The following FBXO34 variants were observed in gnomAD, a reference collection of about 807,000 sequenced individuals.
FBXO34 encodes F-box protein 34.
In FBXO34, 12 loss-of-function variants were observed where a neutral mutation model predicts 24.5. The ratio of observed to expected loss-of-function variants is 0.49; its 90% CI spans 0.31 to 0.79. The LOEUF (loss-of-function observed/expected upper bound fraction) is 0.79, where lower values mean the gene tolerates loss of function less well. FBXO34 is among the 30% of genes least tolerant of loss of function. The pLI, the probability that FBXO34 is intolerant of heterozygous loss-of-function variation, is 0.04. For missense variants in FBXO34, 823 were observed against 857.7 expected (o/e 0.96, Z 0.51); for synonymous variants, 320 against 311.9 (o/e 1.03, Z -0.27).
the FBXO34 span, among the ~76,000 whole-genome samples, chr14:55,383,374 A>C: frequency 6.6e-6 from 1 of 152,102 alleles, no homozygotes; most frequent in Non-Finnish European, 1.5e-5. Context: ...AACATGGTGA[A>C]ATGCCATCGC....
rs17128414 is a variant in FBXO34, at chr14:55,340,744, C to G, written c.-10-9637C>G. Among the ~76,000 whole-genome samples the G allele has an allele frequency of 9.3e-3, 1,422 of 152,240 alleles. 31 individuals are homozygous for G. Among genetic ancestry groups the G allele is most frequent in the African/African-American group, 0.033 (1,371 of 41,534 alleles). On this transcript the variant is annotated intron_variant, in intron 1 of 1. Transcript: ENST00000313833. ...TGTGCGGTGTCAGGTTGCATTTATACTCTAGAATTAGTAGCTGTACTCTTA... is the reference window on the plus strand; with the variant it reads ...TGTGCGGTGTCAGGTTGCATTTATAGTCTAGAATTAGTAGCTGTACTCTTA...
At chr14:55,299,056 C>T (rs999095392) in intron 1 of FBXO34, 8 of 1,582,250 alleles carry the variant, frequency 5.1e-6, no homozygotes, top group South Asian at 3.3e-5. Flanking sequence ...ACAGCAATTT[C>T]GAAACCTGTA....
the FBXO34 span, among the ~76,000 whole-genome samples, chr14:55,393,255 G>A: frequency 1.3e-5 from 2 of 151,996 alleles, no homozygotes; most frequent in East Asian, 3.9e-4. Flanking sequence ...CGTGGTGGTG[G>A]GCGCCTGTAG....
chr14:55,323,180 G>C (rs1423462509), intron 1 of FBXO34, among the ~76,000 whole-genome samples: 19 of 25,624 alleles, frequency 7.4e-4, no homozygotes, highest in African/African-American at 3.9e-3. Flanking sequence ...GTGAGACTCT[G>C]TCTCAAAAAA....
downstream of FBXO34, among the ~76,000 whole-genome samples, chr14:55,354,344 TTTG>T (rs1445914986): frequency 6.6e-6 from 1 of 152,166 alleles, no homozygotes; most frequent in Non-Finnish European, 1.5e-5. Flanking sequence ...TCTTAATTGG[TTTG>T]TTATGATTCA....
At chr14:55,336,291 A>T (rs138287355) in intron 1 of FBXO34, among the ~76,000 whole-genome samples, 2 of 152,244 alleles carry the variant, frequency 1.3e-5, no homozygotes, top group African/African-American at 4.8e-5. Flanking sequence ...AGTTTTCAGT[A>T]ATGGGTGTAG....
intron 1 of FBXO34, chr14:55,325,788 T>C (rs1883322215): frequency 6.6e-6 from 1 of 152,234 alleles, no homozygotes; most frequent in African/African-American, 2.4e-5. Flanking sequence ...AACTAAACGA[T>C]TTAAAATCTT....
At chr14:55,362,771 A>G (rs565381256), downstream of FBXO34, among the ~76,000 whole-genome samples, 7 of 151,968 alleles carry the variant, frequency 4.6e-5, no homozygotes, top group South Asian at 1.0e-3. Context: ...CCATCAAACC[A>G]CTTGGCACTT....
At chr14:55,407,857 T>A in the FBXO34 span, among the ~76,000 whole-genome samples, 3 of 152,028 alleles carry the variant, frequency 2.0e-5, no homozygotes, top group East Asian at 5.8e-4. Flanking sequence ...ACCGAAGAAG[T>A]GGCCTTTAAG....
At chr14:55,403,156 C>T in the FBXO34 span, among the ~76,000 whole-genome samples, 1 of 151,052 alleles carries the variant, frequency 6.6e-6, no homozygotes, top group Non-Finnish European at 1.5e-5. Flanking sequence ...TGTTTAGTTT[C>T]CTCATTTGTA....
intron 1 of FBXO34, among the ~76,000 whole-genome samples, chr14:55,326,469 C>T (rs1883346428): frequency 6.6e-6 from 1 of 152,118 alleles, no homozygotes; most frequent in South Asian, 2.1e-4. Context: ...TTGTTTGGGG[C>T]CTACATCTTA....
At chr14:55,336,618 C>G (rs530080635) in intron 1 of FBXO34, among the ~76,000 whole-genome samples, 1 of 152,250 alleles carries the variant, frequency 6.6e-6, no homozygotes, top group African/African-American at 2.4e-5. Flanking sequence ...AGAAACCCCC[C>G]ACTTAGCCAT....
chr14:55,283,970 G>GTCTGTGTC, intron 1 of FBXO34, among the ~76,000 whole-genome samples: 1 of 151,390 alleles, frequency 6.6e-6, no homozygotes, highest in Middle Eastern at 3.4e-3. Context: ...GTGTGTGTGT[G>GTCTGTGTC]TGTGTCTGTG....
At chr14:55,367,892 A>C (rs1020833701) in exon 3 of FBXO34, 1 of 152,514 alleles carries the variant, frequency 6.6e-6, no homozygotes, top group African/African-American at 2.4e-5. Context: ...CAAATATACC[A>C]TTAGCAAAAG....
intron 1 of FBXO34, among the ~76,000 whole-genome samples, chr14:55,286,355 CT>C (rs752152156): frequency 2.6e-5 from 4 of 152,146 alleles, no homozygotes; most frequent in Non-Finnish European, 5.9e-5. Context: ...CTCGGTGTAA[CT>C]TTTGGCTTTC....
intron 1 of FBXO34, among the ~76,000 whole-genome samples, chr14:55,303,151 ATTC>A (rs1882422551): frequency 1.3e-5 from 2 of 148,398 alleles, no homozygotes; most frequent in African/African-American, 2.5e-5. Context: ...AGCATTGGCT[ATTC>A]TTTAAATTTT....
chr14:55,426,276 AAAAT>A, the FBXO34 span, among the ~76,000 whole-genome samples: 11 of 151,976 alleles, frequency 7.2e-5, no homozygotes, highest in Admixed American at 1.3e-4. Flanking sequence ...TCAAAAAAAA[AAAAT>A]AAATAAATAA....
At chr14:55,321,347 T>C (rs979933711) in intron 1 of FBXO34, among the ~76,000 whole-genome samples, 1 of 152,076 alleles carries the variant, frequency 6.6e-6, no homozygotes, top group African/African-American at 2.4e-5. Context: ...ATTCCCTGGC[T>C]CCCTTGCATT....
intron 1 of FBXO34, among the ~76,000 whole-genome samples, chr14:55,274,512 ATTTT>A (rs1160601062): frequency 6.6e-5 from 10 of 152,194 alleles, no homozygotes; most frequent in Non-Finnish European, 1.5e-4. Flanking sequence ...TTGGTTTATT[ATTTT>A]AAGTCATTTT....
Sources: gnomAD v4.1 joint callset for allele counts (sites outside exome capture counted in the v4.1 genomes callset) on GRCh38, gnomAD v4.1.1 for gene constraint, MANE v1.5 for transcripts, NCBI Gene and HGNC (gene_info 2026-07-23, HGNC 2026-07-21) for gene names.